ATRNL1: variants seen among roughly 807,000 people sequenced by gnomAD.
ATRNL1 encodes attractin like 1.
ATRNL1 carries 95 observed loss-of-function variants against 182.7 expected under a neutral mutation model. The ratio of observed to expected loss-of-function variants is 0.52; its 90% confidence interval spans 0.44 to 0.62. The LOEUF (loss-of-function observed/expected upper bound fraction) is 0.62. ATRNL1 is among the 20% of genes least tolerant of loss of function. The pLI is 0.00. For missense variants in ATRNL1, 1,471 were observed against 1,679.5 expected, an observed-to-expected ratio of 0.88 and a Z score of 2.17; for synonymous variants, 576 against 568.3, an observed-to-expected ratio of 1.01 and a Z score of -0.19.
intron 19 of ATRNL1, among the ~76,000 whole-genome samples, chr10:115,394,054 C>T (rs1554954930): frequency 6.6e-6 from 1 of 151,896 alleles, no homozygotes; most frequent in African/African-American, 2.4e-5. Context: ...AATAGATGTT[C>T]TTTTTTAAAA....
intron 26 of ATRNL1, among the ~76,000 whole-genome samples, chr10:115,723,534 G>GTATTTATTTATTTATT (rs112343950): frequency 0.25 from 37,081 of 147,962 alleles, 5,233 homozygotes; most frequent in East Asian, 0.4. Flanking sequence ...CTTTTCTTTT[G>GTATTTATTTATTTATT]TATTTATTTA....
intron 8 of ATRNL1, among the ~76,000 whole-genome samples, chr10:115,173,487 T>C (rs1314419786): frequency 6.6e-6 from 1 of 151,940 alleles, no homozygotes; most frequent in African/African-American, 2.4e-5. Flanking sequence ...AAATCGACTT[T>C]ATTGATTATA....
chr10:115,326,535 T>A (rs1381154332), intron 18 of ATRNL1, among the ~76,000 whole-genome samples: 1 of 152,010 alleles, frequency 6.6e-6, no homozygotes, highest in African/African-American at 2.4e-5. Context: ...TTCAGTGCCA[T>A]CCCCATCAAG....
intron 27 of ATRNL1, among the ~76,000 whole-genome samples, chr10:115,776,471 G>A (rs535547154): frequency 6.6e-6 from 1 of 152,238 alleles, no homozygotes; most frequent in East Asian, 1.9e-4. Flanking sequence ...TGGGGTCTAG[G>A]TCTCTTCCTC....
intron 26 of ATRNL1, among the ~76,000 whole-genome samples, chr10:115,596,392 C>T (rs1555013963): frequency 6.6e-6 from 1 of 152,200 alleles, no homozygotes; most frequent in African/African-American, 2.4e-5. Flanking sequence ...AGGCATGAGC[C>T]ACCACGCCCG....
intron 8 of ATRNL1, among the ~76,000 whole-genome samples, chr10:115,209,536 T>C (rs1363319734): frequency 2.6e-5 from 4 of 151,708 alleles, no homozygotes; most frequent in Admixed American, 1.3e-4. Context: ...TGCTATTTAC[T>C]TTTGCAGTAT....
intron 13 of ATRNL1, among the ~76,000 whole-genome samples, chr10:115,271,646 A>G (rs556165706): frequency 2.0e-5 from 3 of 152,348 alleles, no homozygotes; most frequent in African/African-American, 4.8e-5. Flanking sequence ...AGACTGGATT[A>G]TACATATATT....
intron 26 of ATRNL1, among the ~76,000 whole-genome samples, chr10:115,667,437 A>G (rs998765755): frequency 2.0e-5 from 3 of 152,144 alleles, no homozygotes; most frequent in Non-Finnish European, 4.4e-5. Context: ...TACATTGAAC[A>G]GGGAGGTCTG....
intron 1 of ATRNL1, among the ~76,000 whole-genome samples, chr10:115,119,342 A>ATG (rs138144661): frequency 0.024 from 3,647 of 151,752 alleles, 130 homozygotes; most frequent in African/African-American, 0.081. Context: ...TGATATGTAT[A>ATG]TGTGTGTGTG....
chr10:115,368,504 G>T (rs1857199773), intron 19 of ATRNL1, among the ~76,000 whole-genome samples: 1 of 152,202 alleles, frequency 6.6e-6, no homozygotes, highest in Non-Finnish European at 1.5e-5. Flanking sequence ...CACGCTGGGA[G>T]CTGTAGACCA....
At chr10:115,533,854 G>C (rs1380070349) in intron 25 of ATRNL1, among the ~76,000 whole-genome samples, 1 of 150,574 alleles carries the variant, frequency 6.6e-6, no homozygotes, top group Non-Finnish European at 1.5e-5. Context: ...CCTTCATTTC[G>C]TTATGTACCC....
chr10:115,651,069 T>C (rs1367203559), intron 26 of ATRNL1, among the ~76,000 whole-genome samples: 1 of 152,210 alleles, frequency 6.6e-6, no homozygotes, highest in Non-Finnish European at 1.5e-5. Flanking sequence ...TTCCGCTGAC[T>C]TGCTTTGGAA....
At chr10:115,553,053 T>G (rs1452101379) in intron 26 of ATRNL1, among the ~76,000 whole-genome samples, 7 of 151,356 alleles carry the variant, frequency 4.6e-5, no homozygotes, top group Admixed American at 1.3e-4. Flanking sequence ...TTTTTATGCT[T>G]GATAATCTTC....
At chr10:115,500,611 T>C (rs1554979883) in intron 24 of ATRNL1, among the ~76,000 whole-genome samples, 1 of 152,076 alleles carries the variant, frequency 6.6e-6, no homozygotes, top group African/African-American at 2.4e-5. Flanking sequence ...TGGTGTGATC[T>C]CAGCTCATTG....
At chr10:115,880,246 G>A (rs1026475459) in intron 28 of ATRNL1, among the ~76,000 whole-genome samples, 17 of 152,212 alleles carry the variant, frequency 1.1e-4, no homozygotes, top group African/African-American at 3.9e-4. Flanking sequence ...AGACAGTGGG[G>A]TCAACCTGAG....
intron 24 of ATRNL1, among the ~76,000 whole-genome samples, chr10:115,477,828 A>G (rs1409645833): frequency 6.6e-6 from 1 of 151,680 alleles, no homozygotes; most frequent in Non-Finnish European, 1.5e-5. Flanking sequence ...TTATTAAAGA[A>G]GGCTTCAGTT....
In ATRNL1 at chr10:115,096,643, A is replaced by G. The variant is rs890420391; in HGVS notation, c.293+2600A>G. ...GGTAACTTAGCTTTTTTTCTACTAT[A>G]GGGATTTCGCCAGGGAATAAAAATG... On this transcript the variant is annotated intron_variant, in intron 1 of 28. Transcript: ENST00000355044. The G allele has an allele frequency of 4.7e-6, 6 of 1,288,178 alleles. No homozygotes were observed. In the Admixed American group the frequency reaches 9.2e-5, roughly 20 times the overall value. 79.8% of individuals were successfully genotyped at this position (1,288,178 alleles called of 1,614,324 possible).
chr10:115,887,176 A>G (rs1465554995), intron 28 of ATRNL1, among the ~76,000 whole-genome samples: 1 of 152,186 alleles, frequency 6.6e-6, no homozygotes, highest in African/African-American at 2.4e-5. Flanking sequence ...CAAGTTTGAG[A>G]TGCATTGTTC....
At chr10:115,371,820 G>A (rs1437487290) in intron 19 of ATRNL1, among the ~76,000 whole-genome samples, 1 of 152,150 alleles carries the variant, frequency 6.6e-6, no homozygotes, top group East Asian at 1.9e-4. Context: ...GCCAGGGGCA[G>A]AATGTTATGG....
Sources: gnomAD v4.1 joint callset for allele counts (sites outside exome capture counted in the v4.1 genomes callset) on GRCh38, gnomAD v4.1.1 for gene constraint, MANE v1.5 for transcripts, NCBI Gene and HGNC (gene_info 2026-07-23, HGNC 2026-07-21) for gene names.